The following NOX3 variants were observed in gnomAD, a reference collection of about 807,000 sequenced individuals.
NOX3 encodes NADPH oxidase catalytic subunit-like 3.
NOX3 carries 74 observed loss-of-function variants against 76.7 expected under a neutral mutation model. The observed-to-expected ratio is 0.96, with a 90% CI of 0.80 to 1.17. The LOEUF (loss-of-function observed/expected upper bound fraction) is 1.17, where lower values mean the gene tolerates loss of function less well. Ranked by LOEUF, NOX3 falls within the 50% of genes most tolerant of loss-of-function variation. The pLI is 0.00. For synonymous variants in NOX3, 263 were observed against 261.1 expected, an observed-to-expected ratio of 1.01 and a Z score of -0.07; for missense variants, 695 against 703.3, an observed-to-expected ratio of 0.99 and a Z score of 0.13.
chr6:155,409,252 G>A (rs11963380), intron 11 of NOX3, among the ~76,000 whole-genome samples: 2,146 of 152,270 alleles, frequency 0.014, 46 homozygotes, highest in African/African-American at 0.048. Context: ...GACACGCCAG[G>A]TGTGGGGAGA....
intron 10 of NOX3, among the ~76,000 whole-genome samples, chr6:155,413,368 T>C (rs977131773): frequency 6.6e-6 from 1 of 151,434 alleles, no homozygotes; most frequent in African/African-American, 2.4e-5. Context: ...GGGGGAGCCA[T>C]GGCGTTGTAG....
chr6:155,426,532 G>C (rs1035517392), intron 9 of NOX3, among the ~76,000 whole-genome samples: 8 of 152,176 alleles, frequency 5.3e-5, no homozygotes, highest in Non-Finnish European at 1.0e-4. Context: ...CACTAGAAGG[G>C]GACATTTGAA....
chr6:155,431,266 C>T (rs975751192), intron 7 of NOX3, among the ~76,000 whole-genome samples: 7 of 152,018 alleles, frequency 4.6e-5, no homozygotes, highest in South Asian at 2.1e-4. Context: ...ATGATAGGGT[C>T]GTAAATGCTC....
chr6:155,438,644 T>C (rs9322524), intron 6 of NOX3, among the ~76,000 whole-genome samples: 23,369 of 152,112 alleles, frequency 0.15, 1,964 homozygotes, highest in African/African-American at 0.2. Flanking sequence ...GTTGTTGACT[T>C]GTGGAAGGGC....
At chr6:155,426,999 G>GTGTGTGTGTA (rs368291850) in intron 9 of NOX3, among the ~76,000 whole-genome samples, 17,580 of 119,624 alleles carry the variant, frequency 0.15, 2,154 homozygotes, top group Non-Finnish European at 0.21. Flanking sequence ...GTGTGTGTGT[G>GTGTGTGTGTA]TGTGTGTGTG....
At position 155,425,380 on chromosome 6, in the gene NOX3, G is replaced by A. The variant is rs75478453; in HGVS notation, c.1146-2524C>T. Among the ~76,000 whole-genome samples the A allele has an allele frequency of 7.5e-3, 1,137 of 152,178 alleles. 23 individuals carry two copies. The highest frequency in any genetic ancestry group is 0.025 in the African/African-American group (1,057 of 41,508). ...ATCCCTGCCTTGATTTAGACACAGC[G>A]TTTCTAATAATGAGGCTCAGAAAAT... On this transcript the variant is annotated intron_variant, in intron 9 of 13. Coordinates refer to ENST00000159060, the MANE Select transcript of NOX3 (RefSeq NM_015718.3).
At chr6:155,434,554 G>A (rs898325181) in intron 7 of NOX3, among the ~76,000 whole-genome samples, 11 of 152,286 alleles carry the variant, frequency 7.2e-5, no homozygotes, top group South Asian at 6.2e-4. Flanking sequence ...GAACCAGAAA[G>A]CTTTTTGAGA....
At chr6:155,448,408 G>C (rs1397553113) in intron 4 of NOX3, among the ~76,000 whole-genome samples, 1 of 152,076 alleles carries the variant, frequency 6.6e-6, no homozygotes, top group Non-Finnish European at 1.5e-5. Context: ...GGGCCTCTGT[G>C]GACTTTCTAC....
intron 1 of NOX3, 99 bp from the exon 2 acceptor site, chr6:155,455,228 T>C: frequency 1.4e-6 from 1 of 703,042 alleles, no homozygotes; most frequent in East Asian, 2.7e-5. Flanking sequence ...AATGAAGAGC[T>C]TCTCAATATT....
rs143650849 is a variant in NOX3, at chr6:155,437,311, G to A, written c.669-764C>T. Among the ~76,000 whole-genome samples, 204 of 152,308 alleles carry A rather than the reference G, an allele frequency of 1.3e-3. 2 individuals are homozygous for A. The highest frequency in any genetic ancestry group is 4.5e-3 in the African/African-American group (187 of 41,572). ...ATCAAGGTCAGGGAATCTGGGAATT[G>A]TTCAGTTCCTAGGTGTTTGTGAATG... On this transcript the variant is annotated intron_variant, in intron 6 of 13. Transcript: ENST00000159060.
Position 155,447,612 on chromosome 6 carries a change from C to T in NOX3, c.341-4194G>A, listed in dbSNP as rs75542586. On this transcript the variant is annotated intron_variant, in intron 4 of 13. Transcript: ENST00000159060. Reference sequence around the variant, plus strand: ...AAAAACTATTCTCTCCAGTATTTGTCACACACTTTAAAGTTCATGTCTTAC... The same window carrying T: ...AAAAACTATTCTCTCCAGTATTTGTTACACACTTTAAAGTTCATGTCTTAC... Among the ~76,000 whole-genome samples, 447 of 152,322 alleles carry T rather than the reference C, an allele frequency of 2.9e-3. 5 individuals are homozygous for T. Among genetic ancestry groups the T allele is most frequent in the African/African-American group, 0.01 (425 of 41,564 alleles).
intron 8 of NOX3, among the ~76,000 whole-genome samples, chr6:155,430,443 G>A (rs576332865): frequency 6.6e-6 from 1 of 151,952 alleles, no homozygotes; most frequent in Non-Finnish European, 1.5e-5. Flanking sequence ...TCCCCAGTGA[G>A]AGTGTATAGA....
At chr6:155,409,122 C>T (rs1246091179) in intron 11 of NOX3, among the ~76,000 whole-genome samples, 4 of 152,144 alleles carry the variant, frequency 2.6e-5, no homozygotes, top group East Asian at 1.9e-4. Context: ...AAATCCAGGT[C>T]GTAGGAAGTT....
At chr6:155,404,399 A>T (rs1776419233) in intron 12 of NOX3, among the ~76,000 whole-genome samples, 1 of 152,068 alleles carries the variant, frequency 6.6e-6, no homozygotes, top group Non-Finnish European at 1.5e-5. Flanking sequence ...GAAGCACCTC[A>T]TTTGGAGAGA....
chr6:155,428,788 A>C lies in NOX3; in HGVS notation c.1145+6T>G, dbSNP rs572288359. On this transcript the variant is annotated splice_donor_region_variant and intron_variant, in intron 9 of 13. Transcript: ENST00000159060. ...CAATTTATACATGAGAGAAATGGGC[A>C]CGAACCTTGGCAGGCTCCAGGGCTC... The C allele has an allele frequency of 1.8e-5, 26 of 1,483,860 alleles. No individual in the cohort carries two copies. In the South Asian group the frequency reaches 3.5e-4, roughly 20 times the overall value. 91.9% of individuals were successfully genotyped at this position (1,483,860 alleles called of 1,614,324 possible).
At chr6:155,439,571 T>C (rs929074372) in intron 6 of NOX3, among the ~76,000 whole-genome samples, 1 of 152,146 alleles carries the variant, frequency 6.6e-6, no homozygotes, top group African/African-American at 2.4e-5. Flanking sequence ...GGTTTCCTAG[T>C]TGACGGTTTT....
chr6:155,408,417 T>G (rs1307613538), intron 11 of NOX3, among the ~76,000 whole-genome samples: 1 of 152,206 alleles, frequency 6.6e-6, no homozygotes, highest in Non-Finnish European at 1.5e-5. Context: ...CTCTATTCAT[T>G]CTCACCCTCT....
At chr6:155,443,793 AGTACT>A (rs1359835899) in intron 4 of NOX3, among the ~76,000 whole-genome samples, 1 of 152,000 alleles carries the variant, frequency 6.6e-6, no homozygotes, top group Non-Finnish European at 1.5e-5. Context: ...ATTATTCTAG[AGTACT>A]GTACATTATA....
chr6:155,407,007 C>A (rs765711274), intron 12 of NOX3, 123 bp downstream of exon 12: 8 of 1,069,714 alleles, frequency 7.5e-6, no homozygotes, highest in Non-Finnish European at 1.1e-5. Context: ...ATCACCTTTT[C>A]TAAGGTAGAT....
Sources: gnomAD v4.1 joint callset for allele counts (sites outside exome capture counted in the v4.1 genomes callset) on GRCh38, gnomAD v4.1.1 for gene constraint, MANE v1.5 for transcripts, NCBI Gene and HGNC (gene_info 2026-07-23, HGNC 2026-07-21) for gene names.